The following EPB41L2 variants were observed in gnomAD, a reference collection of about 807,000 sequenced individuals.
EPB41L2 encodes the protein band 4.1-like protein 2.
A neutral mutation model predicts 113.0 loss-of-function variants in EPB41L2; 43 were observed. The ratio of observed to expected loss-of-function variants is 0.38; its 90% CI spans 0.30 to 0.49. The LOEUF is 0.49. Ranked by LOEUF, EPB41L2 falls within the 20% of genes least tolerant of loss-of-function variation. EPB41L2 has a pLI of 0.95. For synonymous variants in EPB41L2, 442 were observed against 436.7 expected, an observed-to-expected ratio of 1.01 and a Z score of -0.15; for missense variants, 1,147 against 1,223.4, an observed-to-expected ratio of 0.94 and a Z score of 0.93.
intron 14 of EPB41L2, among the ~76,000 whole-genome samples, chr6:130,874,630 A>C (rs1786903563): frequency 6.6e-6 from 1 of 152,228 alleles, no homozygotes; most frequent in Non-Finnish European, 1.5e-5. Context: ...AGAACAATCT[A>C]TATGAATGTC....
intron 1 of EPB41L2, among the ~76,000 whole-genome samples, chr6:130,970,009 A>G: frequency 6.6e-6 from 1 of 152,222 alleles, no homozygotes; most frequent in East Asian, 1.9e-4. Flanking sequence ...AGAAAAATGC[A>G]AACAAGTCAT....
At chr6:130,897,590 T>G (rs770575456) in intron 8 of EPB41L2, among the ~76,000 whole-genome samples, 1 of 152,218 alleles carries the variant, frequency 6.6e-6, no homozygotes, top group Non-Finnish European at 1.5e-5. Context: ...GATGCAAGAT[T>G]TGCATGTGGT....
rs4142581 is a variant in EPB41L2 at position 130,960,285 on chromosome 6, T to C, written c.-14-3786A>G. Among the ~76,000 whole-genome samples, 1,738 of 152,306 alleles carry C rather than the reference T, an allele frequency of 0.011. 186 individuals carry two copies. In the East Asian group the frequency reaches 0.26, roughly 23 times the overall value. ...GTTCCTGCCAGTTAGTGAAAATGAC[T>C]ATGAAATAACATAAATGTATTCTCA... On this transcript the variant is annotated intron_variant, in intron 1 of 19. Transcript: ENST00000337057.
chr6:131,004,559 T>G (rs1274374780), intron 1 of EPB41L2, among the ~76,000 whole-genome samples: 1 of 152,154 alleles, frequency 6.6e-6, no homozygotes. Flanking sequence ...AAGGAAAGCA[T>G]GCAGTAAGGA....
intron 1 of EPB41L2, chr6:131,013,682 C>T (rs1003668872): frequency 1.6e-4 from 25 of 152,270 alleles, no homozygotes; most frequent in African/African-American, 4.6e-4. Context: ...CCTTTTCACC[C>T]GTTCTCCCAC....
intron 13 of EPB41L2, among the ~76,000 whole-genome samples, chr6:130,879,208 T>C (rs1327386841): frequency 6.6e-6 from 1 of 152,238 alleles, no homozygotes. Flanking sequence ...TCCATATTCA[T>C]GCACAAGCAT....
At chr6:130,841,715 A>T (rs75806558) in intron 19 of EPB41L2, among the ~76,000 whole-genome samples, 274 of 152,318 alleles carry the variant, frequency 1.8e-3, no homozygotes, top group African/African-American at 6.0e-3. Flanking sequence ...TAAGGTTTGG[A>T]GTCTGGGACC....
chr6:130,845,577 T>C (rs1776805594), intron 19 of EPB41L2, among the ~76,000 whole-genome samples: 1 of 152,066 alleles, frequency 6.6e-6, no homozygotes, highest in Non-Finnish European at 1.5e-5. Flanking sequence ...CACAAGCTCT[T>C]GCTATACTGC....
intron 1 of EPB41L2, among the ~76,000 whole-genome samples, chr6:131,023,526 T>C (rs1790008382): frequency 6.6e-6 from 1 of 151,818 alleles, no homozygotes; most frequent in African/African-American, 2.4e-5. Context: ...CTACTAAAAA[T>C]ACAAAAATTA....
In EPB41L2 at chr6:130,926,662, G is replaced by A; in HGVS notation, c.753C>T (p.Leu251=). The change falls in exon 4 of 20, where the codon CTC becomes CTT. Residue 251 remains leucine, a synonymous_variant. Transcript: ENST00000337057. ...CAAAGTAGTCTTTCTCCAAGAGATT[G>A]AGGTGTTCACACACTTTGTCAAATA... ...QVLFDKVCEH[L]NLLEKDYFGL... is the part of the protein sequence containing the mutation. 6.2e-7 allele frequency: 1 copy of A among 1,610,384 alleles called. No homozygotes were observed. Among genetic ancestry groups the A allele is most frequent in the South Asian group, 1.1e-5 (1 of 89,480 alleles).
intron 4 of EPB41L2, among the ~76,000 whole-genome samples, chr6:130,911,095 A>G (rs1443498950): frequency 6.6e-6 from 1 of 152,234 alleles, no homozygotes; most frequent in East Asian, 1.9e-4. Flanking sequence ...TTGCAGCACT[A>G]TTCACAATAG....
chr6:131,011,390 A>G (rs1355182299), intron 1 of EPB41L2, among the ~76,000 whole-genome samples: 2 of 152,244 alleles, frequency 1.3e-5, no homozygotes, highest in African/African-American at 4.8e-5. Flanking sequence ...GGTAGGCCCA[A>G]GAACTTCTGA....
At chr6:130,930,681 T>A (rs1045668353) in intron 3 of EPB41L2, among the ~76,000 whole-genome samples, 1 of 152,086 alleles carries the variant, frequency 6.6e-6, no homozygotes. Flanking sequence ...GAAATTCTCA[T>A]AGACAAAAAT....
intron 3 of EPB41L2, among the ~76,000 whole-genome samples, chr6:130,927,129 T>C (rs1466744156): frequency 2.0e-5 from 3 of 152,224 alleles, no homozygotes; most frequent in East Asian, 1.9e-4. Context: ...ATTTATCCTA[T>C]CAACACTTTG....
Position 130,885,255 on chromosome 6 carries a change from G to T in EPB41L2, c.1674C>A (p.Val558=). The stretch of plus-strand genomic sequence containing the variant: ...AATCCTTCATAAGACTTTGGTCCAT[G>T]ACACCAATCGGAGCTAGTAAAGAGT... ...SRSLDGAPIG[V]MDQSLMKDFP... is the part of the protein sequence containing the mutation. The change falls in exon 12 of 20, where the codon GTC becomes GTA. Residue 558 remains valine, a synonymous_variant. Transcript: ENST00000337057. 6.2e-7 allele frequency: 1 copy of T among 1,614,048 alleles called. No homozygotes were observed. Among genetic ancestry groups the T allele is most frequent in the South Asian group, 1.1e-5 (1 of 91,060 alleles).
intron 4 of EPB41L2, among the ~76,000 whole-genome samples, chr6:130,923,966 A>G (rs1421591810): frequency 6.6e-6 from 1 of 152,150 alleles, no homozygotes; most frequent in Non-Finnish European, 1.5e-5. Context: ...ACTACCCATT[A>G]AACAATTCCT....
intron 13 of EPB41L2, chr6:130,878,759 A>T (rs1246685135): frequency 6.6e-6 from 1 of 152,364 alleles, no homozygotes; most frequent in Non-Finnish European, 1.5e-5. Flanking sequence ...CCAGACCAGG[A>T]TCAACCCCCA....
chr6:131,017,231 A>C (rs1788442287), intron 1 of EPB41L2, among the ~76,000 whole-genome samples: 1 of 152,222 alleles, frequency 6.6e-6, no homozygotes. Flanking sequence ...TTACATTTTA[A>C]CATTATACCA....
chr6:130,989,056 T>A (rs1042045572), intron 1 of EPB41L2, among the ~76,000 whole-genome samples: 2 of 151,782 alleles, frequency 1.3e-5, no homozygotes, highest in Non-Finnish European at 2.9e-5. Flanking sequence ...GCCACTGCAC[T>A]CCAGCCTGGG....
Sources: allele counts gnomAD v4.1 joint callset (sites outside exome capture counted in the v4.1 genomes callset), GRCh38; gene constraint gnomAD v4.1.1; transcripts MANE v1.5; gene names NCBI Gene and HGNC (gene_info 2026-07-23, HGNC 2026-07-21).